Variants in GKN2 observed in about 807,000 individuals in gnomAD.
GKN2 encodes gastrokine 2.
GKN2 carries 17 observed loss-of-function variants against 22.7 expected under a neutral mutation model. The observed-to-expected ratio is 0.75, with a 90% CI of 0.51 to 1.13. GKN2 has a LOEUF of 1.13. GKN2 is among the 50% of genes most tolerant of loss of function. The probability of loss-of-function intolerance (pLI) is 0.00; values close to 1 mark genes in which losing one functional copy is unlikely to be tolerated. For synonymous variants in GKN2, 82 were observed against 79.6 expected (o/e 1.03, Z -0.16); for missense variants, 248 against 221.4 (o/e 1.12, Z -0.76).
intron 2 of GKN2, 69 bp downstream of exon 2, chr2:68,950,633 G>T (rs763282903): frequency 7.3e-7 from 1 of 1,375,590 alleles, no homozygotes; most frequent in Non-Finnish European, 1.0e-6. Flanking sequence ...CTGTCTTCAG[G>T]CTCTCTTGTA....
rs1258863310 is a variant in GKN2, at chr2:68,946,465, A to T, written c.316-5T>A. On this transcript the variant is annotated splice_polypyrimidine_tract_variant and splice_region_variant and intron_variant, in intron 4 of 5. Coordinates refer to ENST00000328895, the MANE Select transcript of GKN2 (RefSeq NM_182536.3). ...GGAGAACATGTTGTCCAGAGCCTAG[A>T]TCGGTATAACAGAAAAGAACAACAT... 6.3e-7 allele frequency: 1 copy of T among 1,591,472 alleles called. No individual in the cohort carries two copies. Among genetic ancestry groups the T allele is most frequent in the African/African-American group, 1.4e-5 (1 of 73,934 alleles).
At chr2:68,949,368 G>A (rs949422999) in intron 3 of GKN2, among the ~76,000 whole-genome samples, 19 of 151,840 alleles carry the variant, frequency 1.3e-4, no homozygotes, top group Non-Finnish European at 2.1e-4. Flanking sequence ...TTTCTGCTAT[G>A]TTGTGATTGC....
chr2:68,947,954 G>A (rs1466969662), intron 3 of GKN2, among the ~76,000 whole-genome samples: 2 of 151,978 alleles, frequency 1.3e-5, no homozygotes, highest in Non-Finnish European at 2.9e-5. Flanking sequence ...TTTTAGAACT[G>A]TGCTGTCCTG....
intron 1 of GKN2, among the ~76,000 whole-genome samples, chr2:68,951,698 A>G (rs1417363104): frequency 1.3e-5 from 2 of 152,198 alleles, no homozygotes; most frequent in African/African-American, 2.4e-5. Context: ...TCAGCCTTCC[A>G]TAGGGATACA....
chr2:68,950,713 G>T lies in GKN2; in HGVS notation c.55C>A (p.His19Asn). 3.1e-6 allele frequency: 5 copies of T among 1,614,058 alleles called. No individual in the cohort carries two copies. Among genetic ancestry groups the T allele is most frequent in the Non-Finnish European group, 4.2e-6 (5 of 1,179,936 alleles). ...AGGAACCAACTCACCTCGTATCCAT[G>T]AGATTGTATCCCAAAGATGGTCAGC... Reference protein sequence around the residue: ...VVLTIFGIQSHGYEVFNIISP... With the variant: ...VVLTIFGIQSNGYEVFNIISP... The change falls in exon 2 of 6, where the codon CAT becomes AAT. Residue 19 changes from histidine to asparagine, a missense_variant. Coordinates refer to ENST00000328895, the MANE Select transcript of GKN2 (RefSeq NM_182536.3).
Position 68,946,362 on chromosome 2 carries a change from G to A in GKN2, c.414C>T (p.Pro138=), listed in dbSNP as rs749618622. Reference sequence around the variant, plus strand: ...GGATATGTTTGCAGAGTTTCTCAATGGGTGACCCAAGCAGGAACCAATCCA... The same window carrying A: ...GGATATGTTTGCAGAGTTTCTCAATAGGTGACCCAAGCAGGAACCAATCCA... ...KDVDWFLLGS[P]IEKLCKHIPL... is the part of the protein sequence containing the mutation. The change falls in exon 5 of 6, where the codon CCC becomes CCT. Residue 138 remains proline (P), a synonymous_variant. Transcript: ENST00000328895. 2 of 1,613,994 alleles carry A rather than the reference G, an allele frequency of 1.2e-6. No homozygotes were observed. The highest frequency in any genetic ancestry group is 1.1e-5 in the South Asian group (1 of 91,044).
At chr2:68,946,668 G>A (rs1174819742) in intron 4 of GKN2, among the ~76,000 whole-genome samples, 2 of 152,170 alleles carry the variant, frequency 1.3e-5, no homozygotes, top group African/African-American at 2.4e-5. Context: ...TGGCAATGAA[G>A]CCCAAAGAAA....
chr2:68,951,658 A>T (rs1053673627), intron 1 of GKN2, among the ~76,000 whole-genome samples: 1 of 152,212 alleles, frequency 6.6e-6, no homozygotes, highest in Admixed American at 6.5e-5. Context: ...CTGGGAGTAG[A>T]GCATCTAACA....
At chr2:68,946,153 T>G (rs1431032837) in intron 5 of GKN2, 151 bp downstream of exon 5, 2 of 586,302 alleles carry the variant, frequency 3.4e-6, no homozygotes, top group Non-Finnish European at 5.7e-6. Flanking sequence ...TTTAGCACAA[T>G]TTACACACAT....
intron 1 of GKN2, among the ~76,000 whole-genome samples, chr2:68,951,865 G>A (rs868285078): frequency 1.2e-4 from 19 of 152,200 alleles, no homozygotes; most frequent in African/African-American, 4.1e-4. Flanking sequence ...GCCCCAAAAT[G>A]ATCTCCCTTC....
chr2:68,952,738 G>A, intron 1 of GKN2, 112 bp downstream of exon 1: 1 of 962,470 alleles, frequency 1.0e-6, no homozygotes, highest in East Asian at 2.6e-5. Context: ...CAGAAGCTTA[G>A]AAGCATGCAC....
intron 1 of GKN2, among the ~76,000 whole-genome samples, chr2:68,951,383 G>C (rs1315864206): frequency 2.0e-5 from 3 of 152,204 alleles, no homozygotes; most frequent in Admixed American, 6.5e-5. Flanking sequence ...CACAGGTCGT[G>C]AGCTGACATT....
chr2:68,950,514 G>T (rs956446041), intron 2 of GKN2, among the ~76,000 whole-genome samples, 188 bp downstream of exon 2: 3 of 152,118 alleles, frequency 2.0e-5, no homozygotes, highest in African/African-American at 7.2e-5. Context: ...TTAAAGCAAT[G>T]GCTTACATTT....
rs986485480 is a variant in GKN2 at position 68,946,125 on chromosome 2, A to G, written c.472+179T>C. ...TGTGTTCCCTGGAGACGTTTAATTCATTTCTGTATTCCTAAAATTTAGCAC... is the reference window on the plus strand; with the variant it reads ...TGTGTTCCCTGGAGACGTTTAATTCGTTTCTGTATTCCTAAAATTTAGCAC... On this transcript the variant is annotated intron_variant, in intron 5 of 5. Transcript: ENST00000328895. 3.6e-5 allele frequency: 18 copies of G among 500,332 alleles called. No homozygotes were observed. The East Asian group carries it at 3.8e-4, about 11-fold the overall frequency. The allele number at this position is 500,332 out of a possible 1,614,324, so 31.0% of individuals were successfully genotyped here.
intron 1 of GKN2, among the ~76,000 whole-genome samples, chr2:68,952,206 T>C (rs1277641116): frequency 6.6e-6 from 1 of 152,142 alleles, no homozygotes; most frequent in Non-Finnish European, 1.5e-5. Flanking sequence ...AATTTAGTCA[T>C]AATGAGAGGA....
chr2:68,947,937 G>T (rs1669794913), intron 3 of GKN2, among the ~76,000 whole-genome samples: 1 of 152,034 alleles, frequency 6.6e-6, no homozygotes, highest in Non-Finnish European at 1.5e-5. Flanking sequence ...GGGGTAAATA[G>T]AATATTTTTT....
In GKN2 at chr2:68,950,088, C is replaced by A. The variant is rs530652915; in HGVS notation, c.204+38G>T. On this transcript the variant is annotated intron_variant, in intron 3 of 5. Transcript: ENST00000328895. Reference sequence around the variant, plus strand: ...ATAGATCCCTCTGCTCTTTAGCAAACTAGTCCTGATGAATATGAAAATTCA... The same window carrying A: ...ATAGATCCCTCTGCTCTTTAGCAAAATAGTCCTGATGAATATGAAAATTCA... The A allele has an allele frequency of 1.8e-5, 28 of 1,597,002 alleles. No individual in the cohort carries two copies. In the African/African-American group the frequency reaches 3.5e-4, roughly 20 times the overall value.
chr2:68,949,901 G>A (rs1190365575), intron 3 of GKN2, among the ~76,000 whole-genome samples: 2 of 152,134 alleles, frequency 1.3e-5, no homozygotes, highest in African/African-American at 2.4e-5. Context: ...ACCTGAAAAG[G>A]TCAAGCAAAT....
intron 3 of GKN2, among the ~76,000 whole-genome samples, chr2:68,948,785 C>T (rs1297267507): frequency 6.6e-6 from 1 of 152,196 alleles, no homozygotes; most frequent in Non-Finnish European, 1.5e-5. Flanking sequence ...TCTTATTTTT[C>T]AATTCTCACA....
Sources: gnomAD v4.1 joint callset for allele counts (sites outside exome capture counted in the v4.1 genomes callset) on GRCh38, gnomAD v4.1.1 for gene constraint, MANE v1.5 for transcripts, NCBI Gene and HGNC (gene_info 2026-07-23, HGNC 2026-07-21) for gene names.